The following GRB14 variants were observed in gnomAD, a reference collection of about 807,000 sequenced individuals.
GRB14 encodes the protein growth factor receptor bound protein 14.
Under a neutral mutation model 69.1 loss-of-function variants are expected in GRB14, and 38 were observed. The observed-to-expected ratio is 0.55, with a 90% CI of 0.42 to 0.72. GRB14 has a LOEUF of 0.72. GRB14 is among the 30% of genes least tolerant of loss of function. The pLI, the probability that GRB14 is intolerant of heterozygous loss-of-function variation, is 0.00. For missense variants in GRB14, 666 were observed against 666.1 expected (o/e 1.00, Z 0.00); for synonymous variants, 247 against 241.3 (o/e 1.02, Z -0.22).
intron 3 of GRB14, among the ~76,000 whole-genome samples, chr2:164,534,344 G>T (rs1271090299): frequency 6.6e-6 from 1 of 152,050 alleles, no homozygotes; most frequent in Non-Finnish European, 1.5e-5. Flanking sequence ...AAGGATTAAT[G>T]TTACAATAAT....
intron 2 of GRB14, among the ~76,000 whole-genome samples, chr2:164,616,224 A>T (rs1690289128): frequency 6.6e-6 from 1 of 152,018 alleles, no homozygotes; most frequent in Admixed American, 6.5e-5. Flanking sequence ...GGAGATGGAG[A>T]TCATCCTGGC....
chr2:164,537,999 G>GT (rs1054983017), intron 3 of GRB14, among the ~76,000 whole-genome samples: 1 of 149,544 alleles, frequency 6.7e-6, no homozygotes, highest in African/African-American at 2.4e-5. Flanking sequence ...TACTTCCTTT[G>GT]TTAAAAAAAA....
rs192444607 is a variant in GRB14 at position 164,574,554 on chromosome 2, T to G, written c.325-26738A>C. ...CCCAGCCAGAAAAATTATCTTAAAT[T>G]TAAGAAACATTAGACAGAAAATGAA... On this transcript the variant is annotated intron_variant, in intron 2 of 13. Coordinates refer to ENST00000263915, the MANE Select transcript of GRB14 (RefSeq NM_004490.3). 7.2e-5 allele frequency among the ~76,000 whole-genome samples: 11 copies of G among 152,006 alleles called. No individual in the cohort carries two copies. The East Asian group carries it at 1.9e-3, about 27-fold the overall frequency.
chr2:164,541,121 T>G (rs1366592635), intron 3 of GRB14, among the ~76,000 whole-genome samples: 1 of 152,188 alleles, frequency 6.6e-6, no homozygotes, highest in Non-Finnish European at 1.5e-5. Flanking sequence ...GTTTACTTCA[T>G]GATTTTTGAG....
rs559342564 is a variant in GRB14 at position 164,519,575 on chromosome 2, G to A, written c.816+2405C>T. Among the ~76,000 whole-genome samples the A allele has an allele frequency of 1.1e-4, 16 of 152,172 alleles. No individual in the cohort carries two copies. The South Asian group carries it at 2.5e-3, about 24-fold the overall frequency. On this transcript the variant is annotated intron_variant, in intron 6 of 13. Coordinates refer to ENST00000263915, the MANE Select transcript of GRB14 (RefSeq NM_004490.3). ...GTAAAGAGGAAGTCAAACTGTCATC[G>A]TTTACAGATGATATGATCGTATACC...
chr2:164,621,420 G>A lies in GRB14; in HGVS notation c.-111C>T, dbSNP rs1258403511. On this transcript the variant is annotated 5_prime_UTR_variant, in exon 1 of 14. Transcript: ENST00000263915. This position sits in a 1 kb window ranked among gnomAD's most constrained non-coding sequence, Gnocchi z 6.0. The stretch of plus-strand genomic sequence containing the variant: ...TAGGCAGCCCGAGCGCTCTGCAGGT[G>A]TGGTGGCCTCGCCGCCTGCGCTCGG... 11 of 922,542 alleles carry A rather than the reference G, an allele frequency of 1.2e-5. No homozygotes were observed. The highest frequency in any genetic ancestry group is 3.4e-5 in the East Asian group (1 of 29,850). The allele number at this position is 922,542 out of a possible 1,614,324, so 57.1% of individuals were successfully genotyped here.
At chr2:164,599,497 T>C (rs545519817) in intron 2 of GRB14, among the ~76,000 whole-genome samples, 2 of 152,070 alleles carry the variant, frequency 1.3e-5, no homozygotes, top group Admixed American at 1.3e-4. Flanking sequence ...TAAAAAAGAA[T>C]AAGGAACAGT....
At chr2:164,520,878 G>A (rs906703855) in intron 6 of GRB14, among the ~76,000 whole-genome samples, 2 of 152,104 alleles carry the variant, frequency 1.3e-5, no homozygotes, top group Non-Finnish European at 1.5e-5. Context: ...TGGTGTGGAT[G>A]TGGTGAAAAG....
intron 6 of GRB14, among the ~76,000 whole-genome samples, chr2:164,518,540 T>G (rs1687552252): frequency 6.6e-6 from 1 of 151,540 alleles, no homozygotes; most frequent in Non-Finnish European, 1.5e-5. Context: ...TAAATAAAAT[T>G]GAAACAAATA....
intron 2 of GRB14, 148 bp from the exon 3 acceptor site, chr2:164,547,964 C>T: frequency 1.8e-6 from 1 of 540,690 alleles, no homozygotes; most frequent in Non-Finnish European, 3.1e-6. Flanking sequence ...AACAAATTAA[C>T]ATGTCTATCA....
At chr2:164,614,774 A>AT (rs760639647) in intron 2 of GRB14, among the ~76,000 whole-genome samples, 4 of 152,146 alleles carry the variant, frequency 2.6e-5, no homozygotes, top group Admixed American at 1.3e-4. Flanking sequence ...ATTTCAGTTA[A>AT]TGTAGCAGCC....
Position 164,525,507 on chromosome 2 carries a change from C to G in GRB14, c.604-429G>C, listed in dbSNP as rs553125143. 3.5e-4 allele frequency among the ~76,000 whole-genome samples: 54 copies of G among 152,174 alleles called. No homozygotes were observed. The South Asian group carries it at 0.011, about 31-fold the overall frequency. ...GCCCACAGCACAGTGGAGGTCAGGA[C>G]TTAAACTGGGCTGGGAGCTAAAAGT... On this transcript the variant is annotated intron_variant, in intron 4 of 13. Coordinates refer to ENST00000263915, the MANE Select transcript of GRB14 (RefSeq NM_004490.3).
At position 164,502,308 on chromosome 2, in the gene GRB14, T is replaced by C. The variant is rs1211194653; in HGVS notation, c.1051A>G (p.Met351Val). ...CCACTTCTACCTTGATATGGATGCA[T>C]ATAATTCTGGTACAGCTGCATGCCA... The part of the protein sequence containing the change: ...KYGMQLYQNY[M>V]HPYQGRSGCS... The change falls in exon 9 of 14, where the codon ATG becomes GTG. Residue 351 changes from methionine (M) to valine (V), a missense_variant. Met to Val is a conservative substitution (Grantham distance 21, BLOSUM62 1). Transcript: ENST00000263915. 1.2e-6 allele frequency: 2 copies of C among 1,604,196 alleles called. No individual in the cohort carries two copies. The highest frequency in any genetic ancestry group is 1.7e-6 in the Non-Finnish European group (2 of 1,171,604).
At chr2:164,607,852 G>A (rs1170194930) in intron 2 of GRB14, among the ~76,000 whole-genome samples, 2 of 152,092 alleles carry the variant, frequency 1.3e-5, no homozygotes, top group Admixed American at 1.3e-4. Flanking sequence ...CAAACCAAAA[G>A]TACGAGGCTT....
chr2:164,496,997 A>G lies in GRB14; in HGVS notation c.1382+11T>C. The G allele has an allele frequency of 6.2e-7, 1 of 1,608,302 alleles. No homozygotes were observed. Among genetic ancestry groups the G allele is most frequent in the Admixed American group, 1.7e-5 (1 of 59,984 alleles). ...TTCACAAGTACTCAAAATTAAAAAT[A>G]CCAAACTTACCCATCCACAAGTCCT... On this transcript the variant is annotated intron_variant, in intron 12 of 13. Coordinates refer to ENST00000263915, the MANE Select transcript of GRB14 (RefSeq NM_004490.3).
chr2:164,531,729 GT>G (rs991423675), intron 3 of GRB14, among the ~76,000 whole-genome samples: 10 of 152,258 alleles, frequency 6.6e-5, no homozygotes, highest in African/African-American at 2.4e-4. Context: ...TAACTGGATG[GT>G]GTAGGTCCCA....
intron 5 of GRB14, among the ~76,000 whole-genome samples, chr2:164,523,152 T>C (rs900176799): frequency 2.0e-5 from 3 of 152,052 alleles, no homozygotes; most frequent in Non-Finnish European, 4.4e-5. Flanking sequence ...AAGGGGACCT[T>C]CAATCCCCAG....
chr2:164,522,849 C>T (rs1687668998), intron 5 of GRB14, among the ~76,000 whole-genome samples: 1 of 152,072 alleles, frequency 6.6e-6, no homozygotes, highest in East Asian at 1.9e-4. Context: ...GCGAGCAAGC[C>T]TGTCATTGCT....
chr2:164,550,689 C>T (rs1357084480), intron 2 of GRB14, among the ~76,000 whole-genome samples: 1 of 151,784 alleles, frequency 6.6e-6, no homozygotes, highest in Non-Finnish European at 1.5e-5. Context: ...TCCAGCAAAG[C>T]ATTATGTGTC....
Sources: gnomAD v4.1 joint callset for allele counts (sites outside exome capture counted in the v4.1 genomes callset) on GRCh38, gnomAD v4.1.1 for gene constraint, Gnocchi (gnomAD v3.1) non-coding constraint, MANE v1.5 for transcripts, NCBI Gene and HGNC (gene_info 2026-07-23, HGNC 2026-07-21) for gene names.